The following CADPS2 variants were observed in gnomAD, a reference collection of about 807,000 sequenced individuals.
The protein encoded by CADPS2 is calcium-dependent secretion activator 2.
In CADPS2, 93 loss-of-function variants were observed where a neutral mutation model predicts 172.5. The ratio of observed to expected loss-of-function variants is 0.54; its 90% CI spans 0.46 to 0.64. The LOEUF is 0.64. Ranked by LOEUF, CADPS2 falls within the 30% of genes least tolerant of loss-of-function variation. The pLI, the probability that CADPS2 is intolerant of heterozygous loss-of-function variation, is 0.00. For synonymous variants in CADPS2, 546 were observed against 555.2 expected (o/e 0.98, Z 0.23); for missense variants, 1,420 against 1,565.9 (o/e 0.91, Z 1.57).
At chr7:122,573,334 G>A (rs1006037814) in intron 7 of CADPS2, among the ~76,000 whole-genome samples, 1 of 152,056 alleles carries the variant, frequency 6.6e-6, no homozygotes, top group Non-Finnish European at 1.5e-5. Context: ...TTGAGCCCAG[G>A]AGTTCAAGAC....
intron 20 of CADPS2, among the ~76,000 whole-genome samples, chr7:122,404,103 T>G (rs559637343): frequency 6.6e-6 from 1 of 152,260 alleles, no homozygotes; most frequent in East Asian, 1.9e-4. Flanking sequence ...TAACTCGTCA[T>G]TTAACATCAG....
chr7:122,527,582 T>TAGAGAG lies in CADPS2; in HGVS notation c.1476-14273_1476-14268dup, dbSNP rs35881192. Among the ~76,000 whole-genome samples, 652 of 91,184 alleles carry TAGAGAG rather than the reference T, an allele frequency of 7.2e-3. 3 individuals carry two copies. The highest frequency in any genetic ancestry group is 0.016 in the African/African-American group (378 of 23,004). The allele number at this position is 91,184 out of a possible 152,430, so 59.8% of individuals were successfully genotyped here. A position where few individuals can be genotyped will look rare whatever the true frequency, so the allele number is the denominator to read the frequency against. On this transcript the variant is annotated intron_variant, in intron 8 of 29. Transcript: ENST00000449022. ...TAATACTGGTAAAGATAATACTGAA[T>TAGAGAG]AGAGAGAGAGAGAGAGAGAGAGAGA...
chr7:122,867,513 C>A (rs926471731), intron 1 of CADPS2, among the ~76,000 whole-genome samples: 4 of 152,110 alleles, frequency 2.6e-5, no homozygotes, highest in African/African-American at 4.8e-5. Context: ...ACAACATATA[C>A]CCTGCCCAAC....
At chr7:122,683,986 T>G (rs1238572614) in intron 2 of CADPS2, among the ~76,000 whole-genome samples, 3 of 152,182 alleles carry the variant, frequency 2.0e-5, no homozygotes, top group African/African-American at 7.2e-5. Flanking sequence ...CCTGAGCTGC[T>G]AGGTTCTGAC....
chr7:122,393,552 T>C lies in CADPS2; in HGVS notation c.2777A>G (p.His926Arg), dbSNP rs770235106. The part of the protein sequence containing the change: ...TLLCNGKFHK[H>R]LQEIFVPLVV... The stretch of plus-strand genomic sequence containing the variant: ...CAAGGGTACAAAGATTTCTTGCAAG[T>C]GTTTGTGAAATTTTCCATTACACAA... The change falls in exon 21 of 30, where the codon CAC (histidine) becomes CGC (arginine). Residue 926 changes from histidine to arginine, a missense_variant. His to Arg is a conservative substitution (Grantham distance 29, BLOSUM62 0). Coordinates refer to ENST00000449022, the MANE Select transcript of CADPS2 (RefSeq NM_017954.11). The C allele has an allele frequency of 5.6e-6, 9 of 1,613,658 alleles. No individual in the cohort carries two copies. The highest frequency in any genetic ancestry group is 7.6e-6 in the Non-Finnish European group (9 of 1,179,816).
At chr7:122,347,968 A>G (rs2037947454) in intron 27 of CADPS2, among the ~76,000 whole-genome samples, 1 of 152,208 alleles carries the variant, frequency 6.6e-6, no homozygotes, top group Admixed American at 6.5e-5. Context: ...TAGCAAGTTA[A>G]CTCAGTATCT....
intron 2 of CADPS2, among the ~76,000 whole-genome samples, chr7:122,695,298 CA>C (rs1172140026): frequency 2.0e-5 from 3 of 152,050 alleles, no homozygotes; most frequent in African/African-American, 7.2e-5. Flanking sequence ...TTAATTCTTA[CA>C]AGGAACATAA....
chr7:122,830,348 C>A (rs58138081), intron 1 of CADPS2, among the ~76,000 whole-genome samples: 2,346 of 151,684 alleles, frequency 0.015, 58 homozygotes, highest in African/African-American at 0.054. Context: ...ATTGACACTG[C>A]AACAAATACA....
At chr7:122,638,018 T>C (rs977906643) in intron 3 of CADPS2, among the ~76,000 whole-genome samples, 3 of 152,224 alleles carry the variant, frequency 2.0e-5, no homozygotes, top group South Asian at 2.1e-4. Context: ...AACTCAGCCA[T>C]GTAGCTCTGT....
chr7:122,551,893 A>G (rs1283492910), intron 8 of CADPS2, among the ~76,000 whole-genome samples: 1 of 152,192 alleles, frequency 6.6e-6, no homozygotes, highest in Non-Finnish European at 1.5e-5. Flanking sequence ...AGATTAACTT[A>G]CTTTCTCTTC....
intron 1 of CADPS2, among the ~76,000 whole-genome samples, chr7:122,845,497 T>C (rs1811753723): frequency 6.6e-6 from 1 of 152,170 alleles, no homozygotes; most frequent in Non-Finnish European, 1.5e-5. Flanking sequence ...AGAGTTAATT[T>C]TAAACTCTTG....
At chr7:122,791,210 A>G (rs149227520) in intron 1 of CADPS2, among the ~76,000 whole-genome samples, 8 of 152,314 alleles carry the variant, frequency 5.3e-5, no homozygotes, top group Middle Eastern at 3.4e-3. Flanking sequence ...TCACAGTCTT[A>G]TATAATAAAT....
chr7:122,725,910 C>T (rs2091036553), intron 2 of CADPS2, among the ~76,000 whole-genome samples: 1 of 151,070 alleles, frequency 6.6e-6, no homozygotes, highest in Admixed American at 6.6e-5. Context: ...TGACACCTCA[C>T]AGATAGCAGA....
At chr7:122,694,016 A>G (rs1182694488) in intron 2 of CADPS2, among the ~76,000 whole-genome samples, 18 of 152,212 alleles carry the variant, frequency 1.2e-4, no homozygotes, top group Admixed American at 1.2e-3. Context: ...ACAGAAGCAA[A>G]GATCTGGTTG....
intron 1 of CADPS2, among the ~76,000 whole-genome samples, chr7:122,842,177 G>A (rs1225059356): frequency 6.6e-6 from 1 of 152,206 alleles, no homozygotes; most frequent in Non-Finnish European, 1.5e-5. Context: ...GGAAGAGCCA[G>A]GGGAATGAAC....
At chr7:122,764,710 GTCAT>G in intron 1 of CADPS2, among the ~76,000 whole-genome samples, 1 of 152,132 alleles carries the variant, frequency 6.6e-6, no homozygotes, top group East Asian at 1.9e-4. Flanking sequence ...GAAAGAATAA[GTCAT>G]TCAAATAATA....
intron 1 of CADPS2, among the ~76,000 whole-genome samples, chr7:122,803,990 A>C (rs1457540298): frequency 1.3e-5 from 2 of 149,456 alleles, no homozygotes; most frequent in Middle Eastern, 3.4e-3. Flanking sequence ...AAAAAAAAAA[A>C]AAAAAAAACA....
intron 1 of CADPS2, among the ~76,000 whole-genome samples, chr7:122,836,554 A>G (rs1321919593): frequency 6.6e-6 from 1 of 152,220 alleles, no homozygotes; most frequent in Non-Finnish European, 1.5e-5. Flanking sequence ...GCAGAGACAC[A>G]CATAGGCTCA....
intron 23 of CADPS2, among the ~76,000 whole-genome samples, chr7:122,387,994 A>T (rs2043894991): frequency 6.6e-6 from 1 of 152,078 alleles, no homozygotes; most frequent in South Asian, 2.1e-4. Flanking sequence ...TGGGAAAAAA[A>T]TGCTTGACCA....
Sources: gnomAD v4.1 joint callset for allele counts (sites outside exome capture counted in the v4.1 genomes callset) on GRCh38, gnomAD v4.1.1 for gene constraint, MANE v1.5 for transcripts, NCBI Gene and HGNC (gene_info 2026-07-23, HGNC 2026-07-21) for gene names.